SH3BP5: variants seen among roughly 807,000 people sequenced by gnomAD.
SH3BP5 encodes SH3 domain binding protein 5.
In SH3BP5, 22 loss-of-function variants were observed where a neutral mutation model predicts 43.3. That is an observed-to-expected ratio of 0.51 (90% confidence interval 0.36 to 0.73). The LOEUF (loss-of-function observed/expected upper bound fraction) is 0.73, where lower values mean the gene tolerates loss of function less well. Among genes scored for constraint, SH3BP5 ranks in the 30% least tolerant of loss-of-function variants. The pLI is 0.00. For missense variants in SH3BP5, 529 were observed against 586.9 expected, an observed-to-expected ratio of 0.90 and a Z score of 1.02; for synonymous variants, 255 against 225.8, an observed-to-expected ratio of 1.13 and a Z score of -1.16.
intron 4 of SH3BP5, among the ~76,000 whole-genome samples, chr3:15,268,258 G>T (rs915111713): frequency 4.6e-5 from 7 of 152,188 alleles, no homozygotes; most frequent in African/African-American, 1.7e-4. Context: ...GGAAGCACAA[G>T]GCCATCTTTA....
rs1196799396 is a variant in SH3BP5, at chr3:15,303,702, A to AG, written c.330+400_330+401insC. 1.3e-3 allele frequency among the ~76,000 whole-genome samples: 191 copies of AG among 152,238 alleles called. 1 individual carries two copies. Among genetic ancestry groups the AG allele is most frequent in the African/African-American group, 4.4e-3 (182 of 41,540 alleles). On this transcript the variant is annotated intron_variant, in intron 3 of 8. Transcript: ENST00000383791. ...CCAAATCTTAAAAAGGAAAAAAAAA[A>AG]AAAGAAAAAGAAGAAGAACCGATGT...
intron 4 of SH3BP5, among the ~76,000 whole-genome samples, chr3:15,265,717 G>C (rs188010459): frequency 4.6e-4 from 70 of 152,078 alleles, no homozygotes; most frequent in Admixed American, 9.2e-4. Context: ...CAGTGATGTG[G>C]GTCAGGTGTG....
chr3:15,289,881 A>AC (rs1328344748), intron 3 of SH3BP5, among the ~76,000 whole-genome samples: 9 of 151,778 alleles, frequency 5.9e-5, no homozygotes, highest in Admixed American at 3.9e-4. Flanking sequence ...GAAAACAGAC[A>AC]CCCCCCCTTC....
rs376414934 is a variant in SH3BP5 at position 15,320,605 on chromosome 3, A to AACACACACACACACACACACACACAC, written c.201+9873_201+9898dup. ...ATAGAGGTTTAATTCATCCAGCCAA[A>AACACACACACACACACACACACACAC]ACACACACACACACACACACACACA... On this transcript the variant is annotated intron_variant, in intron 2 of 8. Transcript: ENST00000383791. Among the ~76,000 whole-genome samples the AACACACACACACACACACACACACAC allele has an allele frequency of 7.3e-3, 931 of 126,862 alleles. 12 individuals are homozygous for AACACACACACACACACACACACACAC. Among genetic ancestry groups the AACACACACACACACACACACACACAC allele is most frequent in the East Asian group, 0.01 (45 of 4,494 alleles). The allele number at this position is 126,862 out of a possible 152,430, so 83.2% of individuals were successfully genotyped here. A position where few individuals can be genotyped will look rare whatever the true frequency, so the allele number is the denominator to read the frequency against.
chr3:15,280,753 G>T (rs1479545811), intron 3 of SH3BP5, among the ~76,000 whole-genome samples: 1 of 152,084 alleles, frequency 6.6e-6, no homozygotes, highest in African/African-American at 2.4e-5. Flanking sequence ...AGCTCAGCAG[G>T]GCTGTATCTT....
chr3:15,295,828 C>T (rs1181380953), intron 3 of SH3BP5, among the ~76,000 whole-genome samples: 1 of 152,174 alleles, frequency 6.6e-6, no homozygotes, highest in Admixed American at 6.5e-5. Flanking sequence ...ATTAAAAAAG[C>T]AGAGTGGACA....
At chr3:15,316,740 A>G (rs1479751680) in intron 2 of SH3BP5, among the ~76,000 whole-genome samples, 3 of 151,730 alleles carry the variant, frequency 2.0e-5, no homozygotes, top group African/African-American at 7.3e-5. Flanking sequence ...GAAAAAAAAA[A>G]AAGCCCAAGA....
chr3:15,324,967 GA>G (rs1214223458), intron 2 of SH3BP5, among the ~76,000 whole-genome samples: 5 of 151,984 alleles, frequency 3.3e-5, no homozygotes, highest in Non-Finnish European at 7.4e-5. Flanking sequence ...CAGATACTCA[GA>G]AACAAAGATT....
chr3:15,281,371 A>C (rs1393305522), intron 3 of SH3BP5, among the ~76,000 whole-genome samples: 1 of 152,146 alleles, frequency 6.6e-6, no homozygotes, highest in Non-Finnish European at 1.5e-5. Flanking sequence ...GTGTCAAGAG[A>C]ACCAGGAAGA....
chr3:15,295,978 G>C (rs1697558669), intron 3 of SH3BP5, among the ~76,000 whole-genome samples: 1 of 115,990 alleles, frequency 8.6e-6, no homozygotes, highest in African/African-American at 2.6e-5. Context: ...ACTAAATAAG[G>C]GGTCTTTAAA....
intron 5 of SH3BP5, chr3:15,260,648 AGGAGCACAAG>A (rs1696401817): frequency 6.6e-6 from 1 of 152,212 alleles, no homozygotes; most frequent in African/African-American, 2.4e-5. Context: ...TGTGACCAAA[AGGAGCACAAG>A]GTGAAGAGTA....
intron 2 of SH3BP5, among the ~76,000 whole-genome samples, chr3:15,322,726 T>C (rs943698251): frequency 6.6e-6 from 1 of 152,148 alleles, no homozygotes; most frequent in East Asian, 1.9e-4. Context: ...TCCCAGCTAC[T>C]TGGGAGACTG....
At chr3:15,319,417 A>G (rs1450965414) in intron 2 of SH3BP5, among the ~76,000 whole-genome samples, 3 of 152,210 alleles carry the variant, frequency 2.0e-5, no homozygotes, top group Non-Finnish European at 2.9e-5. Flanking sequence ...GGAAGAAAGT[A>G]TATGTCCTAT....
upstream of SH3BP5, among the ~76,000 whole-genome samples, chr3:15,335,047 A>G (rs1301391369): frequency 1.3e-5 from 2 of 151,738 alleles, no homozygotes; most frequent in African/African-American, 4.8e-5. Flanking sequence ...CCGAGGCAGG[A>G]GAGACGATCG....
intron 8 of SH3BP5, 193 bp from the exon 9 acceptor site, chr3:15,256,496 C>T: frequency 1.6e-6 from 1 of 640,808 alleles, no homozygotes; most frequent in South Asian, 1.9e-5. Flanking sequence ...AGTACATAAT[C>T]ATTTACTGCT....
At chr3:15,268,761 CTG>C (rs1559430027) in intron 4 of SH3BP5, among the ~76,000 whole-genome samples, 2 of 152,204 alleles carry the variant, frequency 1.3e-5, no homozygotes, top group African/African-American at 4.8e-5. Context: ...TATGTTGAAA[CTG>C]ATCCCCAGTG....
chr3:15,335,571 CA>C (rs34622084), upstream of SH3BP5, among the ~76,000 whole-genome samples: 29,503 of 147,280 alleles, frequency 0.2, 3,049 homozygotes, highest in South Asian at 0.4. Flanking sequence ...GACCCTATCT[CA>C]AAAAAAAAAT....
intron 3 of SH3BP5, among the ~76,000 whole-genome samples, chr3:15,296,355 C>CACAT (rs1472290707): frequency 2.0e-5 from 3 of 151,562 alleles, no homozygotes; most frequent in African/African-American, 7.3e-5. Flanking sequence ...CACACACACA[C>CACAT]ACACACACAC....
intron 2 of SH3BP5, among the ~76,000 whole-genome samples, chr3:15,307,849 C>A (rs945879009): frequency 6.6e-6 from 1 of 152,264 alleles, no homozygotes; most frequent in Non-Finnish European, 1.5e-5. Flanking sequence ...AGGGCCAGAT[C>A]GGTTAGCGTG....
Sources: allele counts gnomAD v4.1 joint callset (sites outside exome capture counted in the v4.1 genomes callset), GRCh38; gene constraint gnomAD v4.1.1; transcripts MANE v1.5; gene names NCBI Gene and HGNC (gene_info 2026-07-23, HGNC 2026-07-21).